Variants in ADARB2 observed in about 807,000 individuals in gnomAD.
ADARB2 encodes the protein adenosine deaminase RNA specific B2 (inactive).
In ADARB2, 25 loss-of-function variants were observed where a neutral mutation model predicts 62.2. That is an observed-to-expected ratio of 0.40 (90% CI 0.29 to 0.56). The LOEUF (loss-of-function observed/expected upper bound fraction) is 0.56, where lower values mean the gene tolerates loss of function less well. Ranked by LOEUF, ADARB2 falls within the 20% of genes least tolerant of loss-of-function variation. The pLI is 0.43. For missense variants in ADARB2, 1,071 were observed against 1,077.4 expected, an observed-to-expected ratio of 0.99 and a Z score of 0.08; for synonymous variants, 572 against 500.8, an observed-to-expected ratio of 1.14 and a Z score of -1.90.
chr10:1,192,368 G>A (rs1413646019), intron 8 of ADARB2, among the ~76,000 whole-genome samples: 5 of 152,140 alleles, frequency 3.3e-5, no homozygotes, highest in South Asian at 4.2e-4. Context: ...GACACGCTGC[G>A]GGGTCTTTCT....
intron 1 of ADARB2, among the ~76,000 whole-genome samples, chr10:1,386,480 A>C (rs963567450): frequency 1.1e-4 from 17 of 152,006 alleles, no homozygotes; most frequent in African/African-American, 3.6e-4. Flanking sequence ...AAAAAGATAC[A>C]TCATGTAAAT....
intron 6 of ADARB2, among the ~76,000 whole-genome samples, chr10:1,223,981 T>C (rs1023575239): frequency 6.6e-6 from 1 of 152,218 alleles, no homozygotes; most frequent in African/African-American, 2.4e-5. Flanking sequence ...TTGATTGGAA[T>C]AGTTTCAGAA....
At chr10:1,371,882 T>C (rs758309595) in intron 2 of ADARB2, among the ~76,000 whole-genome samples, 10 of 127,032 alleles carry the variant, frequency 7.9e-5, no homozygotes, top group Non-Finnish European at 1.7e-4. Context: ...CTAATTCCAC[T>C]TCTATGGAAA....
At chr10:1,251,129 T>A (rs1339582568) in intron 4 of ADARB2, among the ~76,000 whole-genome samples, 1 of 152,206 alleles carries the variant, frequency 6.6e-6, no homozygotes, top group Non-Finnish European at 1.5e-5. Context: ...AGAACTGTAT[T>A]TGAATGTTTA....
chr10:1,573,216 G>A (rs1046141062), intron 1 of ADARB2, among the ~76,000 whole-genome samples: 37 of 152,210 alleles, frequency 2.4e-4, no homozygotes, highest in Non-Finnish European at 5.3e-4. Context: ...ATGGGGATGA[G>A]GGGCTCAGTG....
chr10:1,530,411 G>T (rs1832216219), intron 1 of ADARB2, among the ~76,000 whole-genome samples: 1 of 152,216 alleles, frequency 6.6e-6, no homozygotes, highest in South Asian at 2.1e-4. Context: ...CCGGGCCACA[G>T]TCACTTCGTC....
At chr10:1,310,304 G>T (rs770161356) in intron 3 of ADARB2, among the ~76,000 whole-genome samples, 40 of 152,202 alleles carry the variant, frequency 2.6e-4, no homozygotes, top group Non-Finnish European at 5.4e-4. Flanking sequence ...CAGTCCTGGA[G>T]AAGCAGCTGG....
At chr10:1,428,769 G>A (rs1453198332) in intron 1 of ADARB2, among the ~76,000 whole-genome samples, 2 of 151,912 alleles carry the variant, frequency 1.3e-5, no homozygotes, top group Non-Finnish European at 2.9e-5. Context: ...AGTGATGGTG[G>A]ACGTACAAGC....
At chr10:1,411,110 G>T (rs1293447565) in intron 1 of ADARB2, among the ~76,000 whole-genome samples, 2 of 152,198 alleles carry the variant, frequency 1.3e-5, no homozygotes, top group Non-Finnish European at 2.9e-5. Context: ...CCAGGGCACG[G>T]CCATCCAGAC....
At chr10:1,612,690 T>C (rs1833587071) in intron 1 of ADARB2, among the ~76,000 whole-genome samples, 1 of 152,248 alleles carries the variant, frequency 6.6e-6, no homozygotes, top group Non-Finnish European at 1.5e-5. Flanking sequence ...CAGCAAACTA[T>C]GGCCCTTGAG....
chr10:1,574,217 A>G (rs1044063781), intron 1 of ADARB2, among the ~76,000 whole-genome samples: 1 of 152,190 alleles, frequency 6.6e-6, no homozygotes, highest in Non-Finnish European at 1.5e-5. Context: ...AGCCTCTTAC[A>G]CATGCACAGC....
At chr10:1,511,981 T>A (rs1831942453) in intron 1 of ADARB2, among the ~76,000 whole-genome samples, 1 of 151,502 alleles carries the variant, frequency 6.6e-6, no homozygotes, top group Non-Finnish European at 1.5e-5. Flanking sequence ...CTACATTGGA[T>A]ACTAAGACAT....
At chr10:1,314,333 C>T (rs933237240) in intron 3 of ADARB2, among the ~76,000 whole-genome samples, 12 of 152,096 alleles carry the variant, frequency 7.9e-5, no homozygotes, top group African/African-American at 2.9e-4. Flanking sequence ...CTACTTGCCC[C>T]GTCCTCCTAG....
At chr10:1,565,653 C>G (rs1040799494) in intron 1 of ADARB2, among the ~76,000 whole-genome samples, 1 of 152,274 alleles carries the variant, frequency 6.6e-6, no homozygotes, top group African/African-American at 2.4e-5. Context: ...AATAATTTAC[C>G]TTACTCTGTC....
chr10:1,713,184 T>C (rs555129300), intron 1 of ADARB2, among the ~76,000 whole-genome samples: 28 of 152,280 alleles, frequency 1.8e-4, no homozygotes, highest in African/African-American at 6.5e-4. Flanking sequence ...GGACCGCACA[T>C]ACCTGGGGAG....
At chr10:1,506,685 G>C (rs572861864) in intron 1 of ADARB2, among the ~76,000 whole-genome samples, 6 of 152,306 alleles carry the variant, frequency 3.9e-5, no homozygotes, top group African/African-American at 1.4e-4. Context: ...CGTAAAAGAG[G>C]AAAATTAAAT....
rs572469982 is a variant in ADARB2 at position 1,717,122 on chromosome 10, C to T, written c.100+19929G>A. On this transcript the variant is annotated intron_variant, in intron 1 of 9. Coordinates refer to ENST00000381312, the MANE Select transcript of ADARB2 (RefSeq NM_018702.4). ...CGTGTTTCACAACCAAGATGGGAAG[C>T]GGCTCCTCTGTCTCTGCTTGGGTTT... 1.2e-4 allele frequency among the ~76,000 whole-genome samples: 17 copies of T among 140,928 alleles called. No homozygotes were observed. In the East Asian group the frequency reaches 1.6e-3, roughly 13 times the overall value. 92.5% of individuals were successfully genotyped at this position (140,928 alleles called of 152,430 possible). A position where few individuals can be genotyped will look rare whatever the true frequency, so the allele number is the denominator to read the frequency against.
At chr10:1,638,064 G>A (rs1443077965) in intron 1 of ADARB2, among the ~76,000 whole-genome samples, 2 of 152,298 alleles carry the variant, frequency 1.3e-5, no homozygotes, top group East Asian at 1.9e-4. Context: ...TCCACATGGA[G>A]GAAACTTGGC....
At chr10:1,336,580 G>C (rs905769295) in intron 3 of ADARB2, among the ~76,000 whole-genome samples, 1 of 152,086 alleles carries the variant, frequency 6.6e-6, no homozygotes, top group South Asian at 2.1e-4. Flanking sequence ...AGACTCCTTG[G>C]ATATTTCTTC....
Sources: allele counts gnomAD v4.1 joint callset (sites outside exome capture counted in the v4.1 genomes callset), GRCh38; gene constraint gnomAD v4.1.1; transcripts MANE v1.5; gene names NCBI Gene and HGNC (gene_info 2026-07-23, HGNC 2026-07-21).